Variants in PDXDC1 observed in about 807,000 individuals in gnomAD.
The protein encoded by PDXDC1 is pyridoxal-dependent decarboxylase domain-containing protein 1.
PDXDC1 carries 42 observed loss-of-function variants against 100.1 expected under a neutral mutation model. The ratio of observed to expected loss-of-function variants is 0.42; its 90% confidence interval spans 0.33 to 0.54. PDXDC1 has a LOEUF of 0.54. Among genes scored for constraint, PDXDC1 ranks in the 20% least tolerant of loss-of-function variants. The pLI is 0.10. For synonymous variants in PDXDC1, 260 were observed against 371.7 expected, an observed-to-expected ratio of 0.70 and a Z score of 3.46; for missense variants, 636 against 979.2, an observed-to-expected ratio of 0.65 and a Z score of 4.68.
downstream of PDXDC1, among the ~76,000 whole-genome samples, chr16:15,140,485 G>A (rs990760003): frequency 8.5e-4 from 129 of 151,014 alleles, no homozygotes; most frequent in African/African-American, 2.9e-3. Flanking sequence ...GACGGAGGGC[G>A]AGAGGGAGGG....
At position 15,110,990 on chromosome 16, in the gene PDXDC1, A is replaced by G. The variant is rs568413153; in HGVS notation, c.1400-27889A>G. 3.1e-4 allele frequency among the ~76,000 whole-genome samples: 46 copies of G among 148,298 alleles called. 2 individuals carry two copies. Among genetic ancestry groups the G allele is most frequent in the Non-Finnish European group, 5.4e-4 (36 of 66,364 alleles). Reference sequence around the variant, plus strand: ...CTAAAAATACAAAAATTAGCCGGGCATGGCAGTGGGCGCCTGTAATCCGAG... The same window carrying G: ...CTAAAAATACAAAAATTAGCCGGGCGTGGCAGTGGGCGCCTGTAATCCGAG... On this transcript the variant is annotated intron_variant, in intron 16 of 16. Transcript: ENST00000535621.
downstream of PDXDC1, among the ~76,000 whole-genome samples, chr16:15,143,231 G>T (rs1389365335): frequency 1.3e-5 from 2 of 152,110 alleles, no homozygotes; most frequent in Admixed American, 1.3e-4. Flanking sequence ...GGCACCACTG[G>T]GTGGAGAAGG....
At chr16:15,119,413 T>TTC (rs1406690427) in intron 16 of PDXDC1, among the ~76,000 whole-genome samples, 1 of 146,156 alleles carries the variant, frequency 6.8e-6, no homozygotes, top group East Asian at 2.0e-4. Context: ...AAAAAATTTT[T>TTC]TTTGTTTTTT....
At chr16:14,995,700 A>G (rs1395477164) in intron 1 of PDXDC1, among the ~76,000 whole-genome samples, 1 of 152,294 alleles carries the variant, frequency 6.6e-6, no homozygotes, top group South Asian at 2.1e-4. Context: ...TGATTGGAAT[A>G]GTTTCAGAAG....
At chr16:15,027,528 A>C (rs2042704308) in intron 14 of PDXDC1, among the ~76,000 whole-genome samples, 1 of 152,296 alleles carries the variant, frequency 6.6e-6, no homozygotes, top group South Asian at 2.1e-4. Context: ...GAATGGGATC[A>C]CATGTGGGCT....
At chr16:15,106,524 G>C (rs1228957318) in intron 16 of PDXDC1, among the ~76,000 whole-genome samples, 4 of 150,090 alleles carry the variant, frequency 2.7e-5, no homozygotes, top group African/African-American at 9.7e-5. Context: ...GGGAGGGCGA[G>C]GTGGATGGAT....
chr16:15,064,244 C>A (rs1051532772), intron 16 of PDXDC1, among the ~76,000 whole-genome samples: 3 of 151,914 alleles, frequency 2.0e-5, no homozygotes, highest in Non-Finnish European at 2.9e-5. Context: ...GGTGCAATCT[C>A]GGCTCACTGC....
At chr16:15,055,013 GA>G (rs1185909348) in intron 16 of PDXDC1, among the ~76,000 whole-genome samples, 1 of 152,110 alleles carries the variant, frequency 6.6e-6, no homozygotes, top group Non-Finnish European at 1.5e-5. Flanking sequence ...TTCTTCATCA[GA>G]AACCATTCTC....
intron 1 of PDXDC1, among the ~76,000 whole-genome samples, chr16:14,978,676 T>G (rs1242625391): frequency 2.0e-5 from 3 of 152,302 alleles, no homozygotes; most frequent in Non-Finnish European, 4.4e-5. Flanking sequence ...ATTATAAGCG[T>G]GAGCCACCGT....
At chr16:15,148,471 C>T in the PDXDC1 span, among the ~76,000 whole-genome samples, 1 of 144,514 alleles carries the variant, frequency 6.9e-6, no homozygotes, top group Non-Finnish European at 1.5e-5. Flanking sequence ...GCAGCCTTGA[C>T]CTCCTCGGCT....
rs1440575146 is a variant in PDXDC1 at position 15,130,809 on chromosome 16, G to A, written c.1400-8070G>A. 3 of 889,198 alleles carry A rather than the reference G, an allele frequency of 3.4e-6. No homozygotes were observed. The South Asian group carries it at 4.2e-5, about 13-fold the overall frequency. 55.1% of individuals were successfully genotyped at this position (889,198 alleles called of 1,614,324 possible). ...GTAGCGGCCTGGGGCAGAACGCGCA[G>A]GTCACACGCCTGCTGGGAAGCTCAA... On this transcript the variant is annotated intron_variant, in intron 16 of 16. Coordinates refer to the PDXDC1 transcript ENST00000535621.
At chr16:15,148,151 T>A in the PDXDC1 span, among the ~76,000 whole-genome samples, 1,307 of 151,178 alleles carry the variant, frequency 8.6e-3, 65 homozygotes, top group Admixed American at 0.076. Context: ...CTAATATCTA[T>A]TTATTGGTCT....
At chr16:15,125,120 C>G in intron 16 of PDXDC1, 1 of 441,706 alleles carries the variant, frequency 2.3e-6, no homozygotes, top group Non-Finnish European at 4.1e-6. Context: ...GCACTCCAGC[C>G]TGGGTGACAG....
intron 16 of PDXDC1, among the ~76,000 whole-genome samples, chr16:15,089,074 G>C (rs1016232972): frequency 2.1e-4 from 32 of 152,070 alleles, no homozygotes; most frequent in African/African-American, 7.0e-4. Context: ...AGGCTGAGGC[G>C]GGTGGATCAC....
rs1215214603 is a variant in PDXDC1 at position 15,056,073 on chromosome 16, T to TCGTCCTGCCCCGCCC, written c.1399+26019_1399+26033dup. ...CGCCCCTCGGGCCGCGCGTCCCGCCTCGTCCTGCCCCGCCCCACCGCGGGC... is the reference window on the plus strand; with the variant it reads ...CGCCCCTCGGGCCGCGCGTCCCGCCTCGTCCTGCCCCGCCCCGTCCTGCCCCGCCCCACCGCGGGC... On this transcript the variant is annotated intron_variant, in intron 16 of 16. Coordinates refer to the PDXDC1 transcript ENST00000535621. 7.0e-4 allele frequency: 256 copies of TCGTCCTGCCCCGCCC among 367,456 alleles called. 5 individuals are homozygous for TCGTCCTGCCCCGCCC. In the East Asian group the frequency reaches 0.033, roughly 48 times the overall value. 22.8% of individuals were successfully genotyped at this position (367,456 alleles called of 1,614,324 possible). A position where few individuals can be genotyped will look rare whatever the true frequency, so the allele number is the denominator to read the frequency against.
chr16:14,977,163 A>G (rs1297808556), intron 1 of PDXDC1, among the ~76,000 whole-genome samples: 1 of 152,278 alleles, frequency 6.6e-6, no homozygotes, highest in African/African-American at 2.4e-5. Flanking sequence ...AGCATTCACA[A>G]AAATTGTAGT....
chr16:15,091,163 T>A (rs2046117111), intron 16 of PDXDC1: 1 of 677,156 alleles, frequency 1.5e-6, no homozygotes, highest in African/African-American at 1.8e-5. Context: ...TTCTAGGGGG[T>A]AAAACTGTCC....
chr16:15,043,399 C>G (rs1332603748), intron 16 of PDXDC1, among the ~76,000 whole-genome samples: 1 of 152,210 alleles, frequency 6.6e-6, no homozygotes, highest in East Asian at 1.9e-4. Flanking sequence ...TAAAAATCAG[C>G]TGGGCATGGT....
intron 16 of PDXDC1, among the ~76,000 whole-genome samples, chr16:15,048,829 C>T (rs1387366996): frequency 6.9e-6 from 1 of 145,114 alleles, no homozygotes; most frequent in Non-Finnish European, 1.5e-5. Flanking sequence ...TCCCTATGCT[C>T]CCCAGGCTGG....
Sources: allele counts gnomAD v4.1 joint callset (sites outside exome capture counted in the v4.1 genomes callset), GRCh38; gene constraint gnomAD v4.1.1; transcripts MANE v1.5; gene names NCBI Gene and HGNC (gene_info 2026-07-23, HGNC 2026-07-21).